HPSE2: variants seen among roughly 807,000 people sequenced by gnomAD.
HPSE2 encodes the protein heparanase 2 (inactive).
A neutral mutation model predicts 60.5 loss-of-function variants in HPSE2; 38 were observed. That is an observed-to-expected ratio of 0.63 (90% CI 0.48 to 0.82). HPSE2 has a LOEUF of 0.82. Ranked by LOEUF, HPSE2 falls within the 40% of genes least tolerant of loss-of-function variation. The pLI, the probability that HPSE2 is intolerant of heterozygous loss-of-function variation, is 0.00. For missense variants in HPSE2, 713 were observed against 740.4 expected (o/e 0.96, Z 0.43); for synonymous variants, 295 against 293.2 (o/e 1.01, Z -0.06).
At chr10:98,861,073 C>A (rs927912449) in intron 3 of HPSE2, among the ~76,000 whole-genome samples, 2 of 152,138 alleles carry the variant, frequency 1.3e-5, no homozygotes, top group Non-Finnish European at 2.9e-5. Flanking sequence ...ACAAAACATT[C>A]TAATGGAGAT....
chr10:99,180,669 G>C (rs929091824), intron 2 of HPSE2, among the ~76,000 whole-genome samples: 1 of 151,966 alleles, frequency 6.6e-6, no homozygotes, highest in Non-Finnish European at 1.5e-5. Context: ...TGGATTGCCT[G>C]AGCTCAGGAG....
At chr10:98,908,108 A>C (rs981628634) in intron 3 of HPSE2, among the ~76,000 whole-genome samples, 1 of 152,200 alleles carries the variant, frequency 6.6e-6, no homozygotes, top group Non-Finnish European at 1.5e-5. Flanking sequence ...TGTAATCAAT[A>C]ATAGTTACTG....
intron 9 of HPSE2, among the ~76,000 whole-genome samples, chr10:98,586,847 C>G (rs889785156): frequency 6.6e-6 from 1 of 152,204 alleles, no homozygotes; most frequent in South Asian, 2.1e-4. Context: ...GTGCTCCACA[C>G]TTTGGGAAAC....
chr10:98,938,352 A>C (rs1391406431), intron 3 of HPSE2, among the ~76,000 whole-genome samples: 1 of 144,132 alleles, frequency 6.9e-6, no homozygotes, highest in Non-Finnish European at 1.5e-5. Flanking sequence ...AAAAATTTAG[A>C]CAAATGTATA....
At chr10:98,734,277 CT>C (rs1165338080) in intron 4 of HPSE2, among the ~76,000 whole-genome samples, 8 of 152,210 alleles carry the variant, frequency 5.3e-5, no homozygotes, top group African/African-American at 1.4e-4. Flanking sequence ...GTTGTTTCCA[CT>C]TTTTTTGCTA....
chr10:98,821,816 A>G (rs1345610851), intron 3 of HPSE2, among the ~76,000 whole-genome samples: 1 of 152,188 alleles, frequency 6.6e-6, no homozygotes, highest in Non-Finnish European at 1.5e-5. Context: ...CTAAATTAGA[A>G]AGGCTAAGAA....
intron 3 of HPSE2, among the ~76,000 whole-genome samples, chr10:98,906,984 T>A (rs374152196): frequency 1.3e-5 from 2 of 152,184 alleles, no homozygotes; most frequent in Admixed American, 6.5e-5. Context: ...CCAATAACAA[T>A]GATTTGAGTT....
intron 3 of HPSE2, among the ~76,000 whole-genome samples, chr10:98,896,942 T>G (rs1953508995): frequency 6.6e-6 from 1 of 152,164 alleles, no homozygotes; most frequent in African/African-American, 2.4e-5. Flanking sequence ...ATTAAAGAAG[T>G]TGAATTAATA....
At chr10:99,298,447 C>T in the HPSE2 span, among the ~76,000 whole-genome samples, 2 of 152,222 alleles carry the variant, frequency 1.3e-5, no homozygotes, top group Non-Finnish European at 2.9e-5. Context: ...ACCCAAAAGC[C>T]TTGCCACTAA....
intron 9 of HPSE2, among the ~76,000 whole-genome samples, chr10:98,554,585 G>A (rs907251594): frequency 2.6e-5 from 4 of 152,072 alleles, no homozygotes; most frequent in Admixed American, 6.6e-5. Flanking sequence ...GCCTCATGAC[G>A]TTTACTAAAT....
chr10:98,700,276 G>C lies in HPSE2; in HGVS notation c.957-6329C>G, dbSNP rs369662212. ...AGGCTACAGTAACCAAAACAGCATG[G>C]TACTGGTACCAAAACAGAGACATAG... On this transcript the variant is annotated intron_variant, in intron 5 of 11. Coordinates refer to ENST00000370552, the MANE Select transcript of HPSE2 (RefSeq NM_021828.5). Among the ~76,000 whole-genome samples the C allele has an allele frequency of 2.9e-3, 426 of 144,750 alleles. 7 individuals carry two copies. The East Asian group carries it at 0.074, about 25-fold the overall frequency. 95.0% of individuals were successfully genotyped at this position (144,750 alleles called of 152,430 possible).
At chr10:98,665,394 C>T (rs542839430) in intron 6 of HPSE2, among the ~76,000 whole-genome samples, 1 of 152,308 alleles carries the variant, frequency 6.6e-6, no homozygotes, top group Admixed American at 6.5e-5. Context: ...TTTCCCCAAT[C>T]TCTCTAGGGA....
In HPSE2 at chr10:99,154,783, C is replaced by G. The variant is rs371199337; in HGVS notation, c.449-10384G>C. On this transcript the variant is annotated intron_variant, in intron 2 of 11. Coordinates refer to ENST00000370552, the MANE Select transcript of HPSE2 (RefSeq NM_021828.5). ...ACTTTAAATGTAAAGGGACTAAATG[C>G]TCCAATTAAAAGACACAGACTGGCA... 3.9e-5 allele frequency among the ~76,000 whole-genome samples: 6 copies of G among 151,964 alleles called. No individual in the cohort carries two copies. In the South Asian group the frequency reaches 1.2e-3, roughly 32 times the overall value.
At chr10:98,487,330 A>G (rs1941477738) in intron 10 of HPSE2, among the ~76,000 whole-genome samples, 1 of 152,238 alleles carries the variant, frequency 6.6e-6, no homozygotes, top group Non-Finnish European at 1.5e-5. Context: ...ACAGCACTCT[A>G]CAAGATCAGA....
chr10:98,781,627 TA>T (rs1380973805), intron 3 of HPSE2, among the ~76,000 whole-genome samples: 1 of 152,190 alleles, frequency 6.6e-6, no homozygotes, highest in African/African-American at 2.4e-5. Flanking sequence ...ATTTCAACTT[TA>T]CTTGTAATCA....
intron 3 of HPSE2, among the ~76,000 whole-genome samples, chr10:98,967,800 A>AT (rs1423471135): frequency 1.3e-5 from 2 of 152,178 alleles, no homozygotes; most frequent in African/African-American, 4.8e-5. Flanking sequence ...TAGATGTAAG[A>AT]TTTTAACTTG....
chr10:99,060,484 C>A (rs530691801), intron 3 of HPSE2, among the ~76,000 whole-genome samples: 1 of 151,828 alleles, frequency 6.6e-6, no homozygotes, highest in African/African-American at 2.4e-5. Flanking sequence ...CATGGAGAAA[C>A]CCTGTCTCTA....
At chr10:99,053,589 T>A (rs1371598716) in intron 3 of HPSE2, among the ~76,000 whole-genome samples, 1 of 152,028 alleles carries the variant, frequency 6.6e-6, no homozygotes, top group African/African-American at 2.4e-5. Flanking sequence ...AAATATTTGC[T>A]GAAACCATTT....
chr10:98,939,346 T>G (rs1162339565), intron 3 of HPSE2, among the ~76,000 whole-genome samples: 2 of 143,488 alleles, frequency 1.4e-5, no homozygotes, highest in East Asian at 3.9e-4. Flanking sequence ...CCATCTCACG[T>G]GCAGAGACAC....
Sources: gnomAD v4.1 joint callset for allele counts (sites outside exome capture counted in the v4.1 genomes callset) on GRCh38, gnomAD v4.1.1 for gene constraint, MANE v1.5 for transcripts, NCBI Gene and HGNC (gene_info 2026-07-23, HGNC 2026-07-21) for gene names.